Variants in POFUT3 observed in about 807,000 individuals in gnomAD.
POFUT3 encodes the protein GDP-fucose protein O-fucosyltransferase 3.
the POFUT3 span, among the ~76,000 whole-genome samples, chr8:33,354,972 T>C: frequency 5.3e-5 from 8 of 152,376 alleles, no homozygotes; most frequent in East Asian, 9.6e-4. Flanking sequence ...TTCTGAACTT[T>C]CGTTGTTTAC....
chr8:33,375,388 C>T, the POFUT3 span, among the ~76,000 whole-genome samples: 3 of 152,148 alleles, frequency 2.0e-5, no homozygotes, highest in Non-Finnish European at 4.4e-5. Flanking sequence ...CAGGCTGCTG[C>T]TCCACACTAA....
chr8:33,419,083 TG>T, the POFUT3 span, among the ~76,000 whole-genome samples: 1 of 151,444 alleles, frequency 6.6e-6, no homozygotes, highest in African/African-American at 2.4e-5. Context: ...AGGTTGGGGG[TG>T]GGGTGGATAA....
At chr8:33,416,281 A>C in the POFUT3 span, among the ~76,000 whole-genome samples, 1 of 152,368 alleles carries the variant, frequency 6.6e-6, no homozygotes, top group East Asian at 1.9e-4. Flanking sequence ...CATTTTAAGA[A>C]TAAAATCACA....
the POFUT3 span, among the ~76,000 whole-genome samples, chr8:33,431,979 GA>G: frequency 2.0e-5 from 3 of 152,202 alleles, no homozygotes; most frequent in South Asian, 2.1e-4. Context: ...GCTTCATAAA[GA>G]GCACAAATTT....
the POFUT3 span, chr8:33,372,640 C>T: frequency 1.2e-6 from 2 of 1,613,896 alleles, no homozygotes; most frequent in Non-Finnish European, 1.7e-6. Flanking sequence ...TATCAACCAG[C>T]CACCTTAGTG....
chr8:33,368,186 A>C, the POFUT3 span, among the ~76,000 whole-genome samples: 1 of 152,140 alleles, frequency 6.6e-6, no homozygotes, highest in Non-Finnish European at 1.5e-5. Context: ...AGGAAGATAA[A>C]AGAAGGTATC....
At chr8:33,460,565 G>C in the POFUT3 span, 1 of 168,410 alleles carries the variant, frequency 5.9e-6, no homozygotes, top group South Asian at 1.9e-4. Flanking sequence ...TCTCAGAATA[G>C]TCCTTGCTTC....
the POFUT3 span, among the ~76,000 whole-genome samples, chr8:33,467,388 C>T: frequency 6.6e-6 from 1 of 151,688 alleles, no homozygotes; most frequent in African/African-American, 2.4e-5. Flanking sequence ...TACTGAAGCA[C>T]TTAAATTATG....
At chr8:33,436,138 G>C in the POFUT3 span, 4 of 1,211,544 alleles carry the variant, frequency 3.3e-6, no homozygotes, top group Non-Finnish European at 4.4e-6. Flanking sequence ...AGGAAGAGAA[G>C]GTCTCAACTT....
At chr8:33,368,265 G>A in the POFUT3 span, among the ~76,000 whole-genome samples, 2 of 152,268 alleles carry the variant, frequency 1.3e-5, no homozygotes, top group South Asian at 4.2e-4. Flanking sequence ...AGGCTTGGCT[G>A]TTAAGTCCAA....
the POFUT3 span, among the ~76,000 whole-genome samples, chr8:33,382,912 T>C: frequency 6.6e-6 from 1 of 152,092 alleles, no homozygotes; most frequent in Non-Finnish European, 1.5e-5. Flanking sequence ...GACTTCCTGC[T>C]CTAGAATTTA....
chr8:33,458,708 C>T, the POFUT3 span, among the ~76,000 whole-genome samples: 8 of 151,788 alleles, frequency 5.3e-5, no homozygotes, highest in East Asian at 1.4e-3. Flanking sequence ...AGCAAGACTC[C>T]GTCTCAAAAA....
chr8:33,427,102 C>T, the POFUT3 span, among the ~76,000 whole-genome samples: 1 of 152,200 alleles, frequency 6.6e-6, no homozygotes, highest in Non-Finnish European at 1.5e-5. Flanking sequence ...TCTGCCCAGG[C>T]TTTGGCCCAG....
the POFUT3 span, chr8:33,453,208 C>T: frequency 6.2e-7 from 1 of 1,612,368 alleles, no homozygotes; most frequent in Non-Finnish European, 8.5e-7. Context: ...GGCGAAAGTC[C>T]TGCTTACCAT....
the POFUT3 span, among the ~76,000 whole-genome samples, chr8:33,468,184 G>A: frequency 6.6e-6 from 1 of 151,324 alleles, no homozygotes; most frequent in African/African-American, 2.4e-5. Context: ...AGGATGCAGT[G>A]AGCTGAGGTT....
chr8:33,372,810 GGAAGA>G, the POFUT3 span: 10 of 1,611,650 alleles, frequency 6.2e-6, no homozygotes, highest in Non-Finnish European at 7.6e-6. Flanking sequence ...AAGCCCTGCA[GGAAGA>G]GAAAAGAGAA....
chr8:33,344,875 G>A, the POFUT3 span, among the ~76,000 whole-genome samples: 4 of 152,136 alleles, frequency 2.6e-5, no homozygotes, highest in Non-Finnish European at 5.9e-5. Flanking sequence ...CTTTGTACAC[G>A]GATAAGTCAC....
At chr8:33,467,070 C>T in the POFUT3 span, among the ~76,000 whole-genome samples, 2 of 151,750 alleles carry the variant, frequency 1.3e-5, no homozygotes, top group African/African-American at 4.8e-5. Flanking sequence ...CGTACCACTG[C>T]ACTCCAGCCT....
the POFUT3 span, among the ~76,000 whole-genome samples, chr8:33,332,180 AG>A: frequency 8.8e-4 from 122 of 139,406 alleles, no homozygotes; most frequent in Middle Eastern, 0.011. Context: ...GAGGAGGAGG[AG>A]GAAAAAAAAA....
Sources: allele counts gnomAD v4.1 joint callset (sites outside exome capture counted in the v4.1 genomes callset), GRCh38; gene constraint gnomAD v4.1.1; transcripts MANE v1.5; gene names NCBI Gene and HGNC (gene_info 2026-07-23, HGNC 2026-07-21).